The following OTUD3 variants were observed in gnomAD, a reference collection of about 807,000 sequenced individuals.
The protein encoded by OTUD3 is OTU deubiquitinase 3.
Under a neutral mutation model 46.2 loss-of-function variants are expected in OTUD3, and 24 were observed. The observed-to-expected ratio is 0.52, with a 90% CI of 0.38 to 0.73. The LOEUF is 0.73. Ranked by LOEUF, OTUD3 falls within the 30% of genes least tolerant of loss-of-function variation. OTUD3 has a pLI of 0.00. For synonymous variants in OTUD3, 189 were observed against 195.4 expected (o/e 0.97, Z 0.27); for missense variants, 455 against 523.3 (o/e 0.87, Z 1.27).
chr1:19,885,372 C>A (rs1217590070), intron 1 of OTUD3, among the ~76,000 whole-genome samples: 2 of 152,210 alleles, frequency 1.3e-5, no homozygotes, highest in Non-Finnish European at 2.9e-5. Context: ...GTATCCTAGT[C>A]CTTTCGAATG....
chr1:19,890,299 A>G (rs1214823784), intron 1 of OTUD3, 86 bp from the exon 2 acceptor site: 8 of 1,334,178 alleles, frequency 6.0e-6, no homozygotes, highest in Non-Finnish European at 8.5e-6. Flanking sequence ...AAATATTTCC[A>G]TGGATGATCT....
At chr1:19,891,669 T>G (rs2045448164) in intron 2 of OTUD3, among the ~76,000 whole-genome samples, 1 of 152,158 alleles carries the variant, frequency 6.6e-6, no homozygotes, top group Admixed American at 6.5e-5. Context: ...GGTAATTGGC[T>G]GTACCGTTAG....
Position 19,906,564 on chromosome 1 carries a change from C to G in OTUD3, c.968C>G (p.Ala323Gly). 1 of 1,613,514 alleles carries G rather than the reference C, an allele frequency of 6.2e-7. No homozygotes were observed. The highest frequency in any genetic ancestry group is 8.5e-7 in the Non-Finnish European group (1 of 1,179,938). Reference sequence around the variant, plus strand: ...GAAGGCAGGACCGAAAACAATAAGGCACAGGCCAGCCCTAGTGAAGAAAAC... The same window carrying G: ...GAAGGCAGGACCGAAAACAATAAGGGACAGGCCAGCCCTAGTGAAGAAAAC... ...LNEGRTENNKAQASPSEENKA... is the reference protein window; with the variant it reads ...LNEGRTENNKGQASPSEENKA... Residue 323 changes from alanine to glycine, a missense_variant, in exon 7 of 8, where the codon GCA becomes GGA. Physicochemically the swap from Ala to Gly is moderately conservative, Grantham distance 60 (BLOSUM62 0). Coordinates refer to ENST00000375120, the MANE Select transcript of OTUD3 (RefSeq NM_015207.2).
chr1:19,885,421 T>C (rs761174518), intron 1 of OTUD3, among the ~76,000 whole-genome samples: 1 of 152,176 alleles, frequency 6.6e-6, no homozygotes, highest in Non-Finnish European at 1.5e-5. Context: ...GGATGGTGTT[T>C]CCTGTGTATG....
intron 6 of OTUD3, among the ~76,000 whole-genome samples, chr1:19,905,867 GT>G (rs1350731738): frequency 6.6e-6 from 1 of 152,214 alleles, no homozygotes; most frequent in Admixed American, 6.5e-5. Context: ...AGTGCTCCAT[GT>G]GATGAGGTAT....
intron 1 of OTUD3, among the ~76,000 whole-genome samples, chr1:19,883,670 G>T (rs998442167): frequency 2.6e-5 from 3 of 115,324 alleles, no homozygotes; most frequent in Non-Finnish European, 6.1e-5. Flanking sequence ...TGTAGAGACG[G>T]TGATTTTGCT....
At chr1:19,900,916 GTTTTTTTTT>G (rs990933093) in intron 4 of OTUD3, among the ~76,000 whole-genome samples, 1 of 115,666 alleles carries the variant, frequency 8.6e-6, no homozygotes, top group African/African-American at 3.3e-5. Flanking sequence ...TTTTTTTTTT[GTTTTTTTTT>G]TTTTTTTTTT....
chr1:19,904,699 G>A (rs2045633765), intron 5 of OTUD3, among the ~76,000 whole-genome samples, 192 bp from the exon 6 acceptor site: 1 of 152,196 alleles, frequency 6.6e-6, no homozygotes, highest in African/African-American at 2.4e-5. Context: ...ATTTATAAGT[G>A]TACATTAGAC....
Position 19,907,704 on chromosome 1 carries a change from G to T in OTUD3, c.1155G>T (p.Thr385=), listed in dbSNP as rs765407437. The change falls in exon 8 of 8, where the codon ACG becomes ACT. Residue 385 remains threonine, a synonymous_variant. Transcript: ENST00000375120. ...DNNRSEAEAN[T]QVTLVKTFAA... ...ACAGAAGCGAAGCAGAGGCGAACAC[G>T]CAGGTCACCTTGGTGAAGACCTTCG... 2 of 1,614,106 alleles carry T rather than the reference G, an allele frequency of 1.2e-6. No individual in the cohort carries two copies. Among genetic ancestry groups the T allele is most frequent in the East Asian group, 2.2e-5 (1 of 44,898 alleles).
At position 19,882,477 on chromosome 1, in the gene OTUD3, C is replaced by A; in HGVS notation, c.-37C>A. The A allele has an allele frequency of 7.4e-7, 1 of 1,344,240 alleles. No homozygotes were observed. The highest frequency in any genetic ancestry group is 9.5e-7 in the Non-Finnish European group (1 of 1,053,408). The allele number at this position is 1,344,240 out of a possible 1,614,324, so 83.3% of individuals were successfully genotyped here. On this transcript the variant is annotated 5_prime_UTR_variant, in exon 1 of 8. Coordinates refer to ENST00000375120, the MANE Select transcript of OTUD3 (RefSeq NM_015207.2). ...AGGCGGACGCTGGGGGGTCCTGCGC[C>A]TTTCCCTCCTGCCGCTGGGGACTGC...
In OTUD3 at chr1:19,908,942, C is replaced by T. The variant is rs1206543705; in HGVS notation, c.*1196C>T. 2 of 152,348 alleles carry T rather than the reference C, an allele frequency of 1.3e-5. No individual in the cohort carries two copies. The highest frequency in any genetic ancestry group is 4.8e-5 in the African/African-American group (2 of 41,434). 9.4% of individuals were successfully genotyped at this position (152,348 alleles called of 1,614,324 possible). ...GAGAACATACTTTGGTTGAGGCCTT[C>T]GAATCACTCTTCAGTTCTGAAATAG... On this transcript the variant is annotated 3_prime_UTR_variant, in exon 8 of 8. Transcript: ENST00000375120.
rs909330477 is a variant in OTUD3 at position 19,909,415 on chromosome 1, T to G, written c.*1669T>G. 2 of 152,378 alleles carry G rather than the reference T, an allele frequency of 1.3e-5. No individual in the cohort carries two copies. Among genetic ancestry groups the G allele is most frequent in the African/African-American group, 4.8e-5 (2 of 41,448 alleles). 9.4% of individuals were successfully genotyped at this position (152,378 alleles called of 1,614,324 possible). On this transcript the variant is annotated 3_prime_UTR_variant, in exon 8 of 8. Coordinates refer to ENST00000375120, the MANE Select transcript of OTUD3 (RefSeq NM_015207.2). ...AGATTAAAAAAAGTACACAGCATTT[T>G]TTTTCTGTGCACGTCGCAGAGTCCT...
Position 19,894,441 on chromosome 1 carries a change from G to A in OTUD3, c.444G>A (p.Leu148=). 1 of 1,610,066 alleles carries A rather than the reference G, an allele frequency of 6.2e-7. No homozygotes were observed. The highest frequency in any genetic ancestry group is 1.1e-5 in the South Asian group (1 of 90,492). The part of the protein sequence containing the change: ...AIVAFARNHQ[L]NVVIHQLNAP... Reference sequence around the variant, plus strand: ...TAGCCTTTGCAAGAAATCATCAGTTGAATGTAGTGATTCATCAACTTAATG... The same window carrying A: ...TAGCCTTTGCAAGAAATCATCAGTTAAATGTAGTGATTCATCAACTTAATG... The change falls in exon 3 of 8, where the codon TTG becomes TTA. Residue 148 remains leucine (L), a synonymous_variant. Coordinates refer to ENST00000375120, the MANE Select transcript of OTUD3 (RefSeq NM_015207.2).
rs1298264878 is a variant in OTUD3, at chr1:19,912,279, T to C, written c.*4533T>C. ...AGCCATCCATGACAATCATGTGAGCTCAGCCACAGACCTCAGCTGGCGGTT... is the reference window on the plus strand; with the variant it reads ...AGCCATCCATGACAATCATGTGAGCCCAGCCACAGACCTCAGCTGGCGGTT... On this transcript the variant is annotated 3_prime_UTR_variant, in exon 8 of 8. Coordinates refer to ENST00000375120, the MANE Select transcript of OTUD3 (RefSeq NM_015207.2). 1 of 152,356 alleles carries C rather than the reference T, an allele frequency of 6.6e-6. No individual in the cohort carries two copies. Among genetic ancestry groups the C allele is most frequent in the Non-Finnish European group, 1.5e-5 (1 of 68,080 alleles). 9.4% of individuals were successfully genotyped at this position (152,356 alleles called of 1,614,324 possible). A position where few individuals can be genotyped will look rare whatever the true frequency, so the allele number is the denominator to read the frequency against.
chr1:19,893,686 C>G (rs989103903), intron 2 of OTUD3, among the ~76,000 whole-genome samples: 24 of 152,316 alleles, frequency 1.6e-4, no homozygotes, highest in African/African-American at 5.3e-4. Flanking sequence ...TTTGGGAATT[C>G]CAGAGGTTTA....
Position 19,899,752 on chromosome 1 carries a change from C to G in OTUD3, c.606+2090C>G, listed in dbSNP as rs1329782248. Among the ~76,000 whole-genome samples, 8 of 152,244 alleles carry G rather than the reference C, an allele frequency of 5.3e-5. No individual in the cohort carries two copies. The East Asian group carries it at 1.3e-3, about 26-fold the overall frequency. ...TTTCCTGCACGGTGCACTTCGTCAA[C>G]ATAGTGTTACCAAATTTTTAAATCC... On this transcript the variant is annotated intron_variant, in intron 4 of 7. Transcript: ENST00000375120.
chr1:19,907,818 C>A lies in OTUD3; in HGVS notation c.*72C>A. The A allele has an allele frequency of 6.9e-7, 1 of 1,440,970 alleles. No individual in the cohort carries two copies. The highest frequency in any genetic ancestry group is 9.5e-7 in the Non-Finnish European group (1 of 1,049,232). 89.3% of individuals were successfully genotyped at this position (1,440,970 alleles called of 1,614,324 possible). ...CTGTGTGCTAGACTTTCCAGTGAGG[C>A]CGTCCTTTTATAAAACGCAACACAA... On this transcript the variant is annotated 3_prime_UTR_variant, in exon 8 of 8. Coordinates refer to ENST00000375120, the MANE Select transcript of OTUD3 (RefSeq NM_015207.2).
chr1:19,903,007 A>AACACTGTT (rs2045610735), intron 4 of OTUD3, among the ~76,000 whole-genome samples: 1 of 149,734 alleles, frequency 6.7e-6, no homozygotes, highest in South Asian at 2.1e-4. Context: ...CACTATAAGT[A>AACACTGTT]ACACTGTTAG....
chr1:19,886,204 CTATT>C (rs1450247772), intron 1 of OTUD3, among the ~76,000 whole-genome samples: 3 of 151,836 alleles, frequency 2.0e-5, no homozygotes, highest in African/African-American at 4.8e-5. Context: ...ATGTATAACT[CTATT>C]TATTAGGCAG....
Sources: allele counts gnomAD v4.1 joint callset (sites outside exome capture counted in the v4.1 genomes callset), GRCh38; gene constraint gnomAD v4.1.1; transcripts MANE v1.5; gene names NCBI Gene and HGNC (gene_info 2026-07-23, HGNC 2026-07-21).